The following LMO2 variants were observed in gnomAD, a reference collection of about 807,000 sequenced individuals.
The protein encoded by LMO2 is LIM domain only 2, also known as rhombotin-2.
In LMO2, 20 loss-of-function variants were observed where a neutral mutation model predicts 23.2. The ratio of observed to expected loss-of-function variants is 0.86; its 90% CI spans 0.61 to 1.25. The LOEUF (loss-of-function observed/expected upper bound fraction) is 1.25, where lower values mean the gene tolerates loss of function less well. LMO2 is among the 50% of genes most tolerant of loss of function. LMO2 has a pLI of 0.00. For missense variants in LMO2, 270 were observed against 315.3 expected, an observed-to-expected ratio of 0.86 and a Z score of 1.09; for synonymous variants, 123 against 130.2, an observed-to-expected ratio of 0.94 and a Z score of 0.38.
intron 2 of LMO2, chr11:33,870,918 C>T (rs757999847): frequency 2.4e-4 from 73 of 308,132 alleles, no homozygotes; most frequent in Non-Finnish European, 3.3e-4. Context: ...GTAGTTTGCC[C>T]TTCCGTGGAG....
Position 33,864,969 on chromosome 11 carries a change from A to G in LMO2, c.249-152T>C. ...ACAGGACAACACATCCCTTGGCCAG[A>G]CTGCAGAGTCCCAACCAACCTTGGG... On this transcript the variant is annotated intron_variant, in intron 4 of 5. Transcript: ENST00000257818. The surrounding 1 kb of genome is among the most constrained non-coding windows in gnomAD (Gnocchi z 4.8). 1 of 716,292 alleles carries G rather than the reference A, an allele frequency of 1.4e-6. No homozygotes were observed. Among genetic ancestry groups the G allele is most frequent in the Non-Finnish European group, 2.5e-6 (1 of 407,652 alleles). 44.4% of individuals were successfully genotyped at this position (716,292 alleles called of 1,614,324 possible). A position where few individuals can be genotyped will look rare whatever the true frequency, so the allele number is the denominator to read the frequency against.
intron 2 of LMO2, among the ~76,000 whole-genome samples, chr11:33,877,159 C>G (rs1857154585): frequency 1.3e-5 from 2 of 152,174 alleles, no homozygotes; most frequent in Non-Finnish European, 2.9e-5. Flanking sequence ...ATGGTGGCCT[C>G]CATGGGACAG....
At chr11:33,872,683 CATGT>C (rs1254094724) in intron 2 of LMO2, among the ~76,000 whole-genome samples, 6 of 152,134 alleles carry the variant, frequency 3.9e-5, no homozygotes, top group African/African-American at 1.4e-4. Flanking sequence ...CTAAATAAAA[CATGT>C]AAGTGTTTTC....
intron 5 of LMO2, 145 bp from the exon 6 acceptor site, chr11:33,859,720 A>G (rs1856499509): frequency 1.5e-6 from 1 of 649,920 alleles, no homozygotes; most frequent in Non-Finnish European, 2.6e-6. Context: ...AGGGCCGGCT[A>G]GTGCAGTCTT....
intron 2 of LMO2, among the ~76,000 whole-genome samples, chr11:33,873,053 G>A (rs1266211250): frequency 4.6e-5 from 7 of 152,206 alleles, no homozygotes; most frequent in South Asian, 2.1e-4. Flanking sequence ...ATGAGCCACC[G>A]CGCCTGGCCA....
intron 2 of LMO2, chr11:33,870,463 G>A: frequency 1.0e-6 from 1 of 966,876 alleles, no homozygotes. Flanking sequence ...CGGGCTACGG[G>A]CTGCGGGCCC....
chr11:33,875,704 CA>C (rs1427928216), intron 2 of LMO2, among the ~76,000 whole-genome samples: 1 of 152,190 alleles, frequency 6.6e-6, no homozygotes, highest in Non-Finnish European at 1.5e-5. Flanking sequence ...AACCTTCCCC[CA>C]CCTTCTCCTT....
chr11:33,861,410 G>C (rs1317158399), intron 5 of LMO2, among the ~76,000 whole-genome samples: 1 of 152,178 alleles, frequency 6.6e-6, no homozygotes, highest in Non-Finnish European at 1.5e-5. Flanking sequence ...GACAAGAGGT[G>C]GTCTGTGAGT....
chr11:33,859,737 C>A (rs1009742334), intron 5 of LMO2, among the ~76,000 whole-genome samples, 162 bp from the exon 6 acceptor site: 3 of 152,138 alleles, frequency 2.0e-5, no homozygotes, highest in Non-Finnish European at 4.4e-5. Flanking sequence ...TCTTCACCAG[C>A]AGGCAGAGGG....
chr11:33,884,687 T>C (rs768714923), intron 1 of LMO2, among the ~76,000 whole-genome samples: 25 of 152,184 alleles, frequency 1.6e-4, no homozygotes, highest in South Asian at 2.1e-4. Flanking sequence ...GAGTTCAGAG[T>C]ACCACATGTA....
Position 33,869,860 on chromosome 11 carries a change from A to G in LMO2, c.-144T>C. On this transcript the variant is annotated 5_prime_UTR_variant, in exon 3 of 6. Coordinates refer to ENST00000257818, the MANE Select transcript of LMO2 (RefSeq NM_005574.4). The stretch of plus-strand genomic sequence containing the variant: ...GGTCGCGGCGCGCTGCTCGCCGCCG[A>G]GGGCAGAGAGGGGGCGGCGGCCTAG... 9.5e-7 allele frequency: 1 copy of G among 1,055,130 alleles called. No individual in the cohort carries two copies. Among genetic ancestry groups the G allele is most frequent in the East Asian group, 6.3e-5 (1 of 15,766 alleles). The allele number at this position is 1,055,130 out of a possible 1,614,324, so 65.4% of individuals were successfully genotyped here.
chr11:33,878,695 G>C (rs116787094), intron 2 of LMO2, among the ~76,000 whole-genome samples: 2 of 152,164 alleles, frequency 1.3e-5, no homozygotes, highest in African/African-American at 4.8e-5. Context: ...TACCCTGAAG[G>C]TTTCTCTGTC....
At position 33,869,880 on chromosome 11, in the gene LMO2, G is replaced by T; in HGVS notation, c.-164C>A. ...CGCCGAGGGCAGAGAGGGGGCGGCG[G>T]CCTAGGGGCGGGGAGGGGACCGTGC... is the stretch of plus-strand genomic sequence containing the variant. On this transcript the variant is annotated 5_prime_UTR_variant, in exon 3 of 6. Transcript: ENST00000257818. 9.5e-7 allele frequency: 1 copy of T among 1,051,274 alleles called. No homozygotes were observed. The highest frequency in any genetic ancestry group is 1.1e-6 in the Non-Finnish European group (1 of 872,584). 65.1% of individuals were successfully genotyped at this position (1,051,274 alleles called of 1,614,324 possible).
At chr11:33,878,544 G>A (rs1857191172) in intron 2 of LMO2, among the ~76,000 whole-genome samples, 1 of 152,248 alleles carries the variant, frequency 6.6e-6, no homozygotes, top group Non-Finnish European at 1.5e-5. Flanking sequence ...GATAATGTAT[G>A]CAGTGGGCAG....
chr11:33,869,568 A>G lies in LMO2; in HGVS notation c.26T>C (p.Leu9Pro). The G allele has an allele frequency of 2.3e-6, 3 of 1,298,202 alleles. No individual in the cohort carries two copies. Among genetic ancestry groups the G allele is most frequent in the South Asian group, 1.9e-5 (1 of 51,570 alleles). 80.4% of individuals were successfully genotyped at this position (1,298,202 alleles called of 1,614,324 possible). A position where few individuals can be genotyped will look rare whatever the true frequency, so the allele number is the denominator to read the frequency against. MEGSAVTV[L>P]ERGGASSPAE... ...CGGCGAGCTCGCCCCTCCGCGCTCA[A>G]GGACAGTCACCGCGCTCCCTTCAAA... The change falls in exon 4 of 6, where the codon CTT becomes CCT. Residue 9 changes from leucine (L) to proline (P), a missense_variant. This residue lies in a region of LMO2 where 170 missense variants were observed against 162.0 expected (regional missense o/e 1.05). Transcript: ENST00000257818.
At position 33,859,493 on chromosome 11, in the gene LMO2, CTT is replaced by C. The variant is rs779379574; in HGVS notation, c.545_546del (p.Lys182SerfsTer20). The C allele has an allele frequency of 1.4e-5, 22 of 1,614,010 alleles. No homozygotes were observed. The highest frequency in any genetic ancestry group is 1.9e-5 in the Non-Finnish European group (22 of 1,180,030). On this transcript the variant is annotated frameshift_variant, in exon 6 of 6. Coordinates refer to ENST00000257818, the MANE Select transcript of LMO2 (RefSeq NM_005574.4). LOFTEE classifies it high-confidence loss of function. ...AYEMTMRVKD[K>X]VYHLECFKCA... is the part of the protein sequence containing the mutation. ...CATTTGAAACATTCCAGGTGATACA[CTT>C]TGTCTTTCACCCGCATTGTCATCTC...
At chr11:33,891,243 C>T (rs11032440) in intron 1 of LMO2, among the ~76,000 whole-genome samples, 65,548 of 151,784 alleles carry the variant, frequency 0.43, 14,799 homozygotes, top group East Asian at 0.58. Flanking sequence ...CTCTGAAGCA[C>T]CCCATTACAA....
chr11:33,880,445 C>T lies in LMO2; in HGVS notation c.-272+1379G>A, dbSNP rs573908817. On this transcript the variant is annotated intron_variant, in intron 2 of 5. Transcript: ENST00000257818. This position sits in a 1 kb window ranked among gnomAD's most constrained non-coding sequence, Gnocchi z 4.3. ...GAGAGGACAAAGACTATATATGATT[C>T]TACTTTTGTGAAGTACTTAAACAAA... Among the ~76,000 whole-genome samples, 8 of 152,104 alleles carry T rather than the reference C, an allele frequency of 5.3e-5. No individual in the cohort carries two copies. The South Asian group carries it at 1.0e-3, about 20-fold the overall frequency.
At chr11:33,866,340 G>T (rs61880512) in intron 4 of LMO2, among the ~76,000 whole-genome samples, 10 of 152,122 alleles carry the variant, frequency 6.6e-5, no homozygotes, top group Non-Finnish European at 1.5e-4. Flanking sequence ...TAGTTTATCT[G>T]GGGAAAAAAA....
Sources: allele counts gnomAD v4.1 joint callset (sites outside exome capture counted in the v4.1 genomes callset), GRCh38; gene constraint gnomAD v4.1.1; regional missense constraint gnomAD v4.1.1; non-coding constraint Gnocchi (gnomAD v3.1); transcripts MANE v1.5; gene names NCBI Gene and HGNC (gene_info 2026-07-23, HGNC 2026-07-21).